CDH1: variants seen among roughly 807,000 people sequenced by gnomAD.
CDH1 encodes the protein cadherin-1.
A neutral mutation model predicts 84.5 loss-of-function variants in CDH1; 35 were observed. The ratio of observed to expected loss-of-function variants is 0.41; its 90% CI spans 0.32 to 0.55. The LOEUF is 0.55. CDH1 is among the 20% of genes least tolerant of loss of function. CDH1 has a pLI of 0.19. For synonymous variants in CDH1, 417 were observed against 439.0 expected (o/e 0.95, Z 0.63); for missense variants, 994 against 1,126.6 (o/e 0.88, Z 1.68).
rs587781540 is a variant in CDH1, at chr16:68,822,216, A to G, written c.1927A>G (p.Asn643Asp). ...GAGTGCCAACTGGACCATTCAGTAC[A>G]ACGACCCAAGTGGGTACCTGAGTTT... ...GASANWTIQY[N>D]DPTQESIILK... The change falls in exon 12 of 16, where the codon AAC becomes GAC. Residue 643 changes from asparagine to aspartate, a missense_variant. Asn to Asp is a conservative substitution (Grantham distance 23). Transcript: ENST00000261769. The G allele has an allele frequency of 1.2e-6, 2 of 1,613,714 alleles. No individual in the cohort carries two copies. The highest frequency in any genetic ancestry group is 1.7e-6 in the Non-Finnish European group (2 of 1,179,654).
Position 68,834,884 on chromosome 16 carries a change from T to C in CDH1, c.*1385T>C. On this transcript the variant is annotated 3_prime_UTR_variant, in exon 16 of 16. Coordinates refer to ENST00000261769, the MANE Select transcript of CDH1 (RefSeq NM_004360.5). The stretch of plus-strand genomic sequence containing the variant: ...TGGAGATGGCAGGAGAGCTTGTCAT[T>C]GAGCCTGGCAATTTAGCAAACTGAT... 1 of 232,776 alleles carries C rather than the reference T, an allele frequency of 4.3e-6. No homozygotes were observed. The highest frequency in any genetic ancestry group is 8.5e-6 in the Non-Finnish European group (1 of 117,378). The allele number at this position is 232,776 out of a possible 1,614,324, so 14.4% of individuals were successfully genotyped here.
intron 2 of CDH1, among the ~76,000 whole-genome samples, chr16:68,775,231 T>C (rs1250871827): frequency 6.6e-6 from 1 of 152,226 alleles, no homozygotes; most frequent in Non-Finnish European, 1.5e-5. Context: ...GAGCATGCAC[T>C]TTATGAGCCA....
At chr16:68,764,397 C>T (rs1044762231) in intron 2 of CDH1, among the ~76,000 whole-genome samples, 3 of 152,092 alleles carry the variant, frequency 2.0e-5, no homozygotes, top group African/African-American at 2.4e-5. Flanking sequence ...GCCAACATGG[C>T]GAATCCCCAT....
At chr16:68,789,140 C>T (rs998981580) in intron 2 of CDH1, among the ~76,000 whole-genome samples, 1 of 152,168 alleles carries the variant, frequency 6.6e-6, no homozygotes, top group Non-Finnish European at 1.5e-5. Context: ...CCTCCTACCT[C>T]AGCCCTCCCA....
rs1396446687 is a variant in CDH1 at position 68,800,007 on chromosome 16, C to CA, written c.164-1655dup. 1.2e-4 allele frequency among the ~76,000 whole-genome samples: 16 copies of CA among 131,152 alleles called. 1 individual carries two copies. The allele number at this position is 131,152 out of a possible 152,430, so 86.0% of individuals were successfully genotyped here. A position where few individuals can be genotyped will look rare whatever the true frequency, so the allele number is the denominator to read the frequency against. On this transcript the variant is annotated intron_variant, in intron 2 of 15. Transcript: ENST00000261769. ...CCTCGGCAACAGAGCGAGACTGTCTCAAAAAAAATTAATAGTAATAATAAT... is the reference window on the plus strand; with the variant it reads ...CCTCGGCAACAGAGCGAGACTGTCTCAAAAAAAAATTAATAGTAATAATAAT...
In CDH1 at chr16:68,835,244, T is replaced by C. The variant is rs1961605792; in HGVS notation, c.*1745T>C. ...TTTTTATTTAAATGTGAATTTCAAC[T>C]TTTGACAATCAAAGAAAAGACTTTT... On this transcript the variant is annotated 3_prime_UTR_variant, in exon 16 of 16. Coordinates refer to ENST00000261769, the MANE Select transcript of CDH1 (RefSeq NM_004360.5). The C allele has an allele frequency of 4.3e-6, 1 of 229,960 alleles. No individual in the cohort carries two copies. Among genetic ancestry groups the C allele is most frequent in the Non-Finnish European group, 8.6e-6 (1 of 116,080 alleles). The allele number at this position is 229,960 out of a possible 1,614,324, so 14.2% of individuals were successfully genotyped here.
chr16:68,794,120 C>A, intron 2 of CDH1, among the ~76,000 whole-genome samples: 1 of 152,020 alleles, frequency 6.6e-6, no homozygotes, highest in East Asian at 1.9e-4. Context: ...GCAGCCTCGA[C>A]CTCCTGGGCT....
rs553150088 is a variant in CDH1 at position 68,766,842 on chromosome 16, C to T, written c.163+28431C>T. On this transcript the variant is annotated intron_variant, in intron 2 of 15. Transcript: ENST00000261769. ...TCCTGGGTTCAAGCAATCCTCCTGC[C>T]TCAGCCTCCCGAGTAGCTGGGATTA... Among the ~76,000 whole-genome samples the T allele has an allele frequency of 1.8e-4, 27 of 152,110 alleles. No individual in the cohort carries two copies. The South Asian group carries it at 5.4e-3, about 30-fold the overall frequency.
At chr16:68,758,244 A>T (rs1597854723) in intron 2 of CDH1, among the ~76,000 whole-genome samples, 1 of 101,840 alleles carries the variant, frequency 9.8e-6, no homozygotes, top group Non-Finnish European at 1.8e-5. Context: ...TGAGAGAGAG[A>T]GAGAGAGAGA....
intron 10 of CDH1, among the ~76,000 whole-genome samples, chr16:68,816,429 A>G (rs530322428): frequency 1.3e-5 from 2 of 152,298 alleles, no homozygotes; most frequent in East Asian, 3.9e-4. Context: ...CCAACCAACC[A>G]ACTACAACAC....
At chr16:68,788,721 G>A (rs1960131997) in intron 2 of CDH1, among the ~76,000 whole-genome samples, 1 of 152,136 alleles carries the variant, frequency 6.6e-6, no homozygotes. Context: ...AGTTGGGGCT[G>A]GGCATGGTGG....
At chr16:68,777,155 G>A (rs1186339027) in intron 2 of CDH1, among the ~76,000 whole-genome samples, 1 of 152,194 alleles carries the variant, frequency 6.6e-6, no homozygotes, top group Non-Finnish European at 1.5e-5. Context: ...TTGGCATGGT[G>A]CTTCCTTCAG....
At chr16:68,789,486 G>A (rs1597876505) in intron 2 of CDH1, among the ~76,000 whole-genome samples, 1 of 152,036 alleles carries the variant, frequency 6.6e-6, no homozygotes, top group African/African-American at 2.4e-5. Context: ...CTGCAAGGAT[G>A]GGCTTGTGAA....
Position 68,811,757 on chromosome 16 carries a change from C to T in CDH1, c.906C>T (p.Tyr302=), listed in dbSNP as rs370197479. The T allele has an allele frequency of 3.0e-5, 48 of 1,613,978 alleles. No individual in the cohort carries two copies. Among genetic ancestry groups the T allele is most frequent in the Admixed American group, 5.0e-5 (3 of 59,990 alleles). The change falls in exon 7 of 16, where the codon TAC becomes TAT. Residue 302 remains tyrosine (Y), a synonymous_variant. Transcript: ENST00000261769. The stretch of plus-strand genomic sequence containing the variant: ...ACACCTACAATGCCGCCATCGCTTA[C>T]ACCATCCTCAGCCAAGATCCTGAGC... ...DVNTYNAAIA[Y]TILSQDPELP... is the part of the protein sequence containing the mutation.
chr16:68,737,874 C>T (rs933792801), intron 1 of CDH1, among the ~76,000 whole-genome samples: 2 of 152,162 alleles, frequency 1.3e-5, no homozygotes, highest in African/African-American at 4.8e-5. Context: ...GAAATAAAGG[C>T]ACCTGCCATG....
chr16:68,829,037 C>T (rs1309181908), intron 14 of CDH1, among the ~76,000 whole-genome samples: 8 of 152,122 alleles, frequency 5.3e-5, no homozygotes, highest in Non-Finnish European at 1.0e-4. Flanking sequence ...AGCAACCAAT[C>T]GTGGAATCTC....
At chr16:68,813,602 G>GTCACCCTGTCCCCCT in intron 9 of CDH1, 107 bp downstream of exon 9, 2 of 1,124,960 alleles carry the variant, frequency 1.8e-6, no homozygotes, top group Non-Finnish European at 2.7e-6. Flanking sequence ...CAGGGGGACA[G>GTCACCCTGTCCCCCT]GGTGACTTTC....
In CDH1 at chr16:68,835,332, T is replaced by G. The variant is rs1242045278; in HGVS notation, c.*1833T>G. ...AAAAAAATCAACCCTGCAATCACTT[T>G]TTGGAATTGTCTTGATTTTTCGGCA... On this transcript the variant is annotated 3_prime_UTR_variant, in exon 16 of 16. Transcript: ENST00000261769. The G allele has an allele frequency of 2.2e-5, 5 of 224,194 alleles. No homozygotes were observed. The Admixed American group carries it at 2.3e-4, about 10-fold the overall frequency. The allele number at this position is 224,194 out of a possible 1,614,324, so 13.9% of individuals were successfully genotyped here.
At chr16:68,831,443 T>C (rs1387803453) in intron 15 of CDH1, among the ~76,000 whole-genome samples, 1 of 151,978 alleles carries the variant, frequency 6.6e-6, no homozygotes, top group African/African-American at 2.4e-5. Flanking sequence ...ACTGCAGTGT[T>C]AGAAGTGATC....
Sources: gnomAD v4.1 joint callset for allele counts (sites outside exome capture counted in the v4.1 genomes callset) on GRCh38, gnomAD v4.1.1 for gene constraint, MANE v1.5 for transcripts, NCBI Gene and HGNC (gene_info 2026-07-23, HGNC 2026-07-21) for gene names.